Variants in TNRC18 observed in about 807,000 individuals in gnomAD.
TNRC18 encodes the protein trinucleotide repeat containing 18, also known as trinucleotide repeat-containing gene 18 protein.
Under a neutral mutation model 226.7 loss-of-function variants are expected in TNRC18, and 69 were observed. The ratio of observed to expected loss-of-function variants is 0.30; its 90% CI spans 0.25 to 0.37. The LOEUF (loss-of-function observed/expected upper bound fraction) is 0.37. TNRC18 is among the 10% of genes least tolerant of loss of function. TNRC18 has a pLI of 1.00. For missense variants in TNRC18, 4,754 were observed against 4,256.6 expected, an observed-to-expected ratio of 1.12 and a Z score of -3.25; for synonymous variants, 2,449 against 1,927.6, an observed-to-expected ratio of 1.27 and a Z score of -7.09.
rs117837085 is a variant in TNRC18 at position 5,399,412 on chromosome 7, G to A, written c.188-4817C>T. On this transcript the variant is annotated intron_variant, in intron 2 of 29. Coordinates refer to ENST00000430969, the MANE Select transcript of TNRC18 (RefSeq NM_001080495.3). ...ACCTTAGAAGCTAAGACCAATGACC[G>A]TCAAAACCTAAAACACACACCTGGG... Among the ~76,000 whole-genome samples, 718 of 152,262 alleles carry A rather than the reference G, an allele frequency of 4.7e-3. 4 individuals are homozygous for A. Among genetic ancestry groups the A allele is most frequent in the Non-Finnish European group, 7.8e-3 (530 of 68,018 alleles).
rs1794104734 is a variant in TNRC18, at chr7:5,371,072, A to C, written c.3522T>G (p.Pro1174=). The change falls in exon 11 of 30, where the codon CCT becomes CCG. Residue 1174 remains proline, a synonymous_variant. Transcript: ENST00000430969. Reference sequence around the variant, plus strand: ...CGGGCAGTGGCAGCGGCGACTCCAGAGGCGGCAGCTCTGTGGGGCCCTCGT... The same window carrying C: ...CGGGCAGTGGCAGCGGCGACTCCAGCGGCGGCAGCTCTGTGGGGCCCTCGT... ...DMDEGPTELP[P]LESPLPLPAA... 1 of 1,611,470 alleles carries C rather than the reference A, an allele frequency of 6.2e-7. No homozygotes were observed. Among genetic ancestry groups the C allele is most frequent in the Admixed American group, 1.7e-5 (1 of 59,964 alleles).
chr7:5,348,472 G>C (rs1031314882), intron 17 of TNRC18, among the ~76,000 whole-genome samples: 3 of 152,148 alleles, frequency 2.0e-5, no homozygotes, highest in African/African-American at 7.2e-5. Context: ...TCCTGCCAAC[G>C]CCCCAAGCCG....
chr7:5,319,081 C>T (rs1788102204), intron 24 of TNRC18, among the ~76,000 whole-genome samples: 1 of 152,188 alleles, frequency 6.6e-6, no homozygotes. Flanking sequence ...ACAGCCAGCA[C>T]CTCCCAGTAC....
Position 5,362,839 on chromosome 7 carries a change from G to A in TNRC18, c.4220-14C>T, listed in dbSNP as rs928825331. On this transcript the variant is annotated splice_polypyrimidine_tract_variant and intron_variant, in intron 11 of 29. Transcript: ENST00000430969. ...CCCGCTCCGCACCTGTGGACAGGAG[G>A]TAGGTAACAGGGCGCTGCTGCCACC... 5 of 1,502,254 alleles carry A rather than the reference G, an allele frequency of 3.3e-6. No individual in the cohort carries two copies. The highest frequency in any genetic ancestry group is 4.4e-6 in the Non-Finnish European group (5 of 1,125,642). 93.1% of individuals were successfully genotyped at this position (1,502,254 alleles called of 1,614,324 possible).
chr7:5,367,561 G>A (rs1401375266), intron 11 of TNRC18, among the ~76,000 whole-genome samples: 4 of 151,162 alleles, frequency 2.6e-5, no homozygotes, highest in Non-Finnish European at 5.9e-5. Flanking sequence ...CCGAGTAGCT[G>A]GGATTACAGG....
intron 10 of TNRC18, among the ~76,000 whole-genome samples, 183 bp from the exon 11 acceptor site, chr7:5,371,547 A>G (rs1794161064): frequency 6.6e-6 from 1 of 152,208 alleles, no homozygotes; most frequent in Non-Finnish European, 1.5e-5. Context: ...GTGGCCCCAA[A>G]GTGAAAAACC....
At chr7:5,380,436 T>TC (rs1436005389) in intron 5 of TNRC18, among the ~76,000 whole-genome samples, 1 of 152,100 alleles carries the variant, frequency 6.6e-6, no homozygotes, top group Admixed American at 6.5e-5. Context: ...ACAGAGCATC[T>TC]CCCTTTCCCT....
Position 5,374,393 on chromosome 7 carries a change from G to T in TNRC18, c.2891C>A (p.Ala964Asp). Residue 964 changes from alanine (A) to aspartate (D), a missense_variant, in exon 10 of 30, where the codon GCC becomes GAC. By Grantham distance (126) the Ala-to-Asp change is moderately radical. Coordinates refer to ENST00000430969, the MANE Select transcript of TNRC18 (RefSeq NM_001080495.3). Reference protein sequence around the residue: ...GLEAAGKAGLATAGPGLLPRK... With the variant: ...GLEAAGKAGLDTAGPGLLPRK... ...CGGCAGCAGCCCGGGGCCGGCGGTG[G>T]CCAGGCCAGCCTTGCCCGCAGCCTC... The T allele has an allele frequency of 6.6e-7, 1 of 1,521,230 alleles. No individual in the cohort carries two copies. Among genetic ancestry groups the T allele is most frequent in the Non-Finnish European group, 8.8e-7 (1 of 1,135,294 alleles). 94.2% of individuals were successfully genotyped at this position (1,521,230 alleles called of 1,614,324 possible).
chr7:5,323,483 C>T (rs1332189868), intron 21 of TNRC18, among the ~76,000 whole-genome samples: 1 of 151,870 alleles, frequency 6.6e-6, no homozygotes, highest in Non-Finnish European at 1.5e-5. Context: ...GGCTACAACC[C>T]ACTCTCGCCT....
chr7:5,351,481 G>A lies in TNRC18; in HGVS notation c.5470+338C>T, dbSNP rs55755357. ...CTGGGTGGGCAGAAAACGTGAGTGC[G>A]GGGGTGGGGGGAACTCGGGGGAGGG... is the stretch of plus-strand genomic sequence containing the variant. On this transcript the variant is annotated intron_variant, in intron 17 of 29. Transcript: ENST00000430969. 2.7e-3 allele frequency among the ~76,000 whole-genome samples: 414 copies of A among 151,712 alleles called. 3 individuals carry two copies. Among genetic ancestry groups the A allele is most frequent in the African/African-American group, 9.5e-3 (392 of 41,320 alleles).
At chr7:5,332,553 G>C (rs1455335998) in intron 19 of TNRC18, 69 bp downstream of exon 19, 1 of 1,448,144 alleles carries the variant, frequency 6.9e-7, no homozygotes, top group Non-Finnish European at 9.1e-7. Context: ...GGCTGGGAGG[G>C]GAGAGGGCCC....
rs1485295043 is a variant in TNRC18 at position 5,313,012 on chromosome 7, A to C, written c.7879T>G (p.Ser2627Ala). Residue 2627 changes from serine (S) to alanine (A), a missense_variant, in exon 27 of 30, where the codon TCC becomes GCC. Ser to Ala is a moderately conservative substitution (Grantham distance 99). Transcript: ENST00000430969. ...SSSSSSSSSSSSSSSSSSSSS... is the reference protein window; with the variant it reads ...SSSSSSSSSSASSSSSSSSSS... ...GAGGAGGAAGAGGAGGATGAGGAGG[A>C]GGAGGAGGAGGAGGAGGAGGATGAG... The C allele has an allele frequency of 1.2e-6, 1 of 824,144 alleles. No individual in the cohort carries two copies. Among genetic ancestry groups the C allele is most frequent in the Admixed American group, 2.1e-5 (1 of 48,188 alleles). The allele number at this position is 824,144 out of a possible 1,614,324, so 51.1% of individuals were successfully genotyped here.
At chr7:5,356,540 C>T (rs1038632467) in intron 16 of TNRC18, among the ~76,000 whole-genome samples, 3 of 152,258 alleles carry the variant, frequency 2.0e-5, no homozygotes, top group South Asian at 4.1e-4. Flanking sequence ...GCGCTCCAGG[C>T]CTCTCTAGGC....
intron 3 of TNRC18, among the ~76,000 whole-genome samples, chr7:5,392,650 A>G (rs970047500): frequency 6.6e-6 from 1 of 151,802 alleles, no homozygotes; most frequent in Non-Finnish European, 1.5e-5. Flanking sequence ...ACAACCAACA[A>G]TAAAAAAACA....
intron 5 of TNRC18, among the ~76,000 whole-genome samples, chr7:5,385,351 G>C (rs893130136): frequency 6.6e-6 from 1 of 152,050 alleles, no homozygotes; most frequent in South Asian, 2.1e-4. Flanking sequence ...AGCCGGGCGC[G>C]GTGGCGGGCG....
chr7:5,366,306 C>G (rs1364134739), intron 11 of TNRC18, among the ~76,000 whole-genome samples: 3 of 126,616 alleles, frequency 2.4e-5, no homozygotes, highest in Non-Finnish European at 4.9e-5. Context: ...GCTTGTTTTG[C>G]TCTTCTTATA....
chr7:5,335,253 C>T (rs555523738), intron 18 of TNRC18, among the ~76,000 whole-genome samples: 15 of 132,594 alleles, frequency 1.1e-4, no homozygotes, highest in African/African-American at 4.3e-4. Flanking sequence ...AGTGAGCAGA[C>T]ATTGCACCAC....
In TNRC18 at chr7:5,421,170, T is replaced by G; in HGVS notation, c.77A>C (p.Asp26Ala). ...PPPLLSGLAMDSHRVGAATAG... is the reference protein window; with the variant it reads ...PPPLLSGLAMASHRVGAATAG... Reference sequence around the variant, plus strand: ...AGTGGCCGCGCCCACGCGGTGGCTGTCCATGGCCAGGCCGGACAGCAGCGG... The same window carrying G: ...AGTGGCCGCGCCCACGCGGTGGCTGGCCATGGCCAGGCCGGACAGCAGCGG... Residue 26 changes from aspartate (D) to alanine (A), a missense_variant, in exon 2 of 30, where the codon GAC becomes GCC. By Grantham distance (126) the Asp-to-Ala change is moderately radical. Coordinates refer to ENST00000430969, the MANE Select transcript of TNRC18 (RefSeq NM_001080495.3). The G allele has an allele frequency of 7.1e-7, 1 of 1,406,582 alleles. No individual in the cohort carries two copies. The highest frequency in any genetic ancestry group is 9.3e-7 in the Non-Finnish European group (1 of 1,077,670). The allele number at this position is 1,406,582 out of a possible 1,614,324, so 87.1% of individuals were successfully genotyped here. A position where few individuals can be genotyped will look rare whatever the true frequency, so the allele number is the denominator to read the frequency against.
At position 5,376,174 on chromosome 7, in the gene TNRC18, G is replaced by C; in HGVS notation, c.2659C>G (p.Pro887Ala). ...TGGTGCAGGGGGCTGCGGCCCGGCG[G>C]GTACAGGGCGGGCCAGAGGGGCGGT... ...TVPPLWPALY[P>A]PGRSPLHHAQ... is the part of the protein sequence containing the mutation. Residue 887 changes from proline (P) to alanine (A), a missense_variant, in exon 9 of 30, where the codon CCG (proline) becomes GCG (alanine). Coordinates refer to ENST00000430969, the MANE Select transcript of TNRC18 (RefSeq NM_001080495.3). 1 of 1,569,704 alleles carries C rather than the reference G, an allele frequency of 6.4e-7. No homozygotes were observed. Among genetic ancestry groups the C allele is most frequent in the Non-Finnish European group, 8.6e-7 (1 of 1,159,054 alleles).
Sources: allele counts gnomAD v4.1 joint callset (sites outside exome capture counted in the v4.1 genomes callset), GRCh38; gene constraint gnomAD v4.1.1; transcripts MANE v1.5; gene names NCBI Gene and HGNC (gene_info 2026-07-23, HGNC 2026-07-21).